GGT1: variants seen among roughly 807,000 people sequenced by gnomAD.
The protein encoded by GGT1 is glutathione hydrolase 1 proenzyme.
GGT1 carries 21 observed loss-of-function variants against 56.0 expected under a neutral mutation model. The ratio of observed to expected loss-of-function variants is 0.38; its 90% CI spans 0.27 to 0.54. The LOEUF (loss-of-function observed/expected upper bound fraction) is 0.54. Among genes scored for constraint, GGT1 ranks in the 20% least tolerant of loss-of-function variants. The pLI, the probability that GGT1 is intolerant of heterozygous loss-of-function variation, is 0.82. For synonymous variants in GGT1, 238 were observed against 342.6 expected, an observed-to-expected ratio of 0.69 and a Z score of 3.37; for missense variants, 466 against 787.0, an observed-to-expected ratio of 0.59 and a Z score of 4.88.
upstream of GGT1, among the ~76,000 whole-genome samples, chr22:24,601,735 G>T (rs981153032): frequency 6.6e-6 from 1 of 152,234 alleles, no homozygotes; most frequent in Non-Finnish European, 1.5e-5. Context: ...GCACACAAGG[G>T]TGATAAGGAG....
At chr22:24,589,079 G>T in the GGT1 span, 1 of 1,068,632 alleles carries the variant, frequency 9.4e-7, no homozygotes. Flanking sequence ...AGTCCTAGGG[G>T]CCGACTGTGC....
At chr22:24,618,746 T>G (rs1232472787) in intron 7 of GGT1, among the ~76,000 whole-genome samples, 1 of 152,228 alleles carries the variant, frequency 6.6e-6, no homozygotes, top group Non-Finnish European at 1.5e-5. Flanking sequence ...TGTGCCAGGC[T>G]TCAGGGTGGG....
At position 24,610,763 on chromosome 22, in the gene GGT1, G is replaced by A. The variant is rs549130727; in HGVS notation, c.-8+232G>A. ...ACTGTAAGGAGGTAGGCAAGGCCCT[G>A]CAGAAAGAGGGGTGTGGAAATCTGG... On this transcript the variant is annotated intron_variant, in intron 4 of 15. Transcript: ENST00000400382. Among the ~76,000 whole-genome samples, 192 of 144,690 alleles carry A rather than the reference G, an allele frequency of 1.3e-3. 6 individuals are homozygous for A. Among genetic ancestry groups the A allele is most frequent in the Non-Finnish European group, 2.2e-3 (145 of 64,850 alleles). 94.9% of individuals were successfully genotyped at this position (144,690 alleles called of 152,430 possible).
chr22:24,585,223 G>A, the GGT1 span, among the ~76,000 whole-genome samples: 1 of 152,182 alleles, frequency 6.6e-6, no homozygotes, highest in Non-Finnish European at 1.5e-5. Context: ...TTAGTCGGCT[G>A]TGGCCCCTGC....
At chr22:24,609,210 T>G (rs531189413) in intron 2 of GGT1, 2 of 152,230 alleles carry the variant, frequency 1.3e-5, no homozygotes, top group East Asian at 3.9e-4. Flanking sequence ...CTCTAGCTGC[T>G]TTCTGGAAGA....
intron 4 of GGT1, 77 bp from the exon 5 acceptor site, chr22:24,610,998 A>G: frequency 7.4e-7 from 1 of 1,355,402 alleles, no homozygotes; most frequent in Non-Finnish European, 1.0e-6. Context: ...GCCCGACTTT[A>G]GACTGTGCCC....
chr22:24,586,092 T>C, the GGT1 span: 3 of 1,612,722 alleles, frequency 1.9e-6, no homozygotes, highest in Non-Finnish European at 2.5e-6. Context: ...TCCACGTTGT[T>C]GCCCAGGTCC....
At chr22:24,606,589 C>G (rs1174013392) in intron 1 of GGT1, among the ~76,000 whole-genome samples, 3 of 152,164 alleles carry the variant, frequency 2.0e-5, no homozygotes, top group Non-Finnish European at 4.4e-5. Flanking sequence ...CTGTCATCTT[C>G]CCAGTCACCC....
At chr22:24,595,282 A>T (rs1024437339) in intron 1 of GGT1, among the ~76,000 whole-genome samples, 3 of 152,154 alleles carry the variant, frequency 2.0e-5, no homozygotes, top group African/African-American at 7.2e-5. Flanking sequence ...TGGGGTGCCT[A>T]GGGCGAGTGG....
At chr22:24,592,314 A>G (rs988035442), upstream of GGT1, 7 of 466,926 alleles carry the variant, frequency 1.5e-5, no homozygotes, top group Admixed American at 4.7e-5. Flanking sequence ...CTGTTGGAGA[A>G]CTGGTGATGC....
chr22:24,617,965 T>G (rs2047175720), intron 7 of GGT1, among the ~76,000 whole-genome samples: 1 of 151,922 alleles, frequency 6.6e-6, no homozygotes, highest in South Asian at 2.1e-4. Flanking sequence ...ATGAGCCCAG[T>G]AAAGCTGAGA....
At position 24,620,284 on chromosome 22, in the gene GGT1, A is replaced by G; in HGVS notation, c.383-44A>G. The G allele has an allele frequency of 6.2e-7, 1 of 1,601,012 alleles. No homozygotes were observed. Among genetic ancestry groups the G allele is most frequent in the Non-Finnish European group, 8.5e-7 (1 of 1,175,488 alleles). The stretch of plus-strand genomic sequence containing the variant: ...GGGATGCTGCCTGCGAGAGATCCCG[A>G]TGTCCCCCACTCAGGGTCACTAACT... On this transcript the variant is annotated intron_variant, in intron 7 of 15. Transcript: ENST00000400382. This position sits in a 1 kb window ranked among gnomAD's most constrained non-coding sequence, Gnocchi z 5.6.
At chr22:24,589,975 G>A (rs963241178), upstream of GGT1, 2 of 1,554,646 alleles carry the variant, frequency 1.3e-6, no homozygotes, top group Non-Finnish European at 1.7e-6. Flanking sequence ...AGAGAGTTGA[G>A]TGAGCCCGTT....
the GGT1 span, chr22:24,589,213 C>A: frequency 1.6e-6 from 2 of 1,249,540 alleles, no homozygotes. Context: ...GGGGCTGTGT[C>A]GATGCTCATG....
the GGT1 span, among the ~76,000 whole-genome samples, chr22:24,587,787 C>T: frequency 6.6e-6 from 1 of 152,140 alleles, no homozygotes. Context: ...TGGCCTTAGG[C>T]AAGCCACTTC....
upstream of GGT1, among the ~76,000 whole-genome samples, chr22:24,593,603 T>C (rs1404107864): frequency 1.3e-5 from 2 of 151,850 alleles, no homozygotes; most frequent in Non-Finnish European, 2.9e-5. Context: ...CTGGCTAACA[T>C]GGTGAAACCA....
chr22:24,604,918 C>A (rs1230614096), intron 1 of GGT1, among the ~76,000 whole-genome samples: 1 of 145,750 alleles, frequency 6.9e-6, no homozygotes, highest in African/African-American at 2.6e-5. Flanking sequence ...TCCCTACTTT[C>A]CCCAGCCCAG....
rs1208690132 is a variant in GGT1 at position 24,611,179 on chromosome 22, C to G, written c.98C>G (p.Pro33Arg). The G allele has an allele frequency of 1.3e-6, 2 of 1,593,966 alleles. No homozygotes were observed. Among genetic ancestry groups the G allele is most frequent in the East Asian group, 2.3e-5 (1 of 44,176 alleles). Residue 33 changes from proline (P) to arginine (R), a missense_variant, in exon 5 of 16, where the codon CCT becomes CGT. By Grantham distance (103) the Pro-to-Arg change is moderately radical. This residue lies in a region of GGT1 where 456 missense variants were observed against 716.7 expected (regional missense o/e 0.64). Transcript: ENST00000400382. The part of the protein sequence containing the change: ...CLWLPSASKE[P>R]DNHVYTRAAV... ...TGGCTGCCCTCAGCCTCCAAGGAAC[C>G]TGACAACCATGTGTACACCAGGGCT...
upstream of GGT1, chr22:24,589,821 C>A (rs369171275): frequency 6.2e-7 from 1 of 1,611,888 alleles, no homozygotes; most frequent in African/African-American, 1.3e-5. Context: ...CCAGCCTCAC[C>A]TTCTTGGGGC....
Sources: allele counts gnomAD v4.1 joint callset (sites outside exome capture counted in the v4.1 genomes callset), GRCh38; gene constraint gnomAD v4.1.1; regional missense constraint gnomAD v4.1.1; non-coding constraint Gnocchi (gnomAD v3.1); transcripts MANE v1.5; gene names NCBI Gene and HGNC (gene_info 2026-07-23, HGNC 2026-07-21).